The following ZMYM6 variants were observed in gnomAD, a reference collection of about 807,000 sequenced individuals.
ZMYM6 encodes the protein zinc finger MYM-type protein 6.
A neutral mutation model predicts 134.0 loss-of-function variants in ZMYM6; 90 were observed. The observed-to-expected ratio is 0.67, with a 90% confidence interval of 0.57 to 0.80. The LOEUF (loss-of-function observed/expected upper bound fraction) is 0.80. ZMYM6 is among the 30% of genes least tolerant of loss of function. The probability of loss-of-function intolerance (pLI) is 0.00; values close to 1 mark genes in which losing one functional copy is unlikely to be tolerated. For synonymous variants in ZMYM6, 481 were observed against 524.1 expected (o/e 0.92, Z 1.12); for missense variants, 1,362 against 1,533.9 (o/e 0.89, Z 1.87).
In ZMYM6 at chr1:34,986,269, G is replaced by A. The variant is rs1030814757; in HGVS notation, c.*835C>T. The A allele has an allele frequency of 6.6e-6, 1 of 152,222 alleles. No homozygotes were observed. Among genetic ancestry groups the A allele is most frequent in the Admixed American group, 6.5e-5 (1 of 15,290 alleles). 9.4% of individuals were successfully genotyped at this position (152,222 alleles called of 1,614,324 possible). A position where few individuals can be genotyped will look rare whatever the true frequency, so the allele number is the denominator to read the frequency against. ...ACTGCAGAATTGAGTAGTTGTGACA[G>A]TATGGCCTGCAAAGCTGAAAATATT... On this transcript the variant is annotated 3_prime_UTR_variant, in exon 16 of 16. Coordinates refer to ENST00000357182, the MANE Select transcript of ZMYM6 (RefSeq NM_007167.4).
intron 2 of ZMYM6, among the ~76,000 whole-genome samples, chr1:35,021,511 C>G (rs1569790755): frequency 6.6e-6 from 1 of 151,602 alleles, no homozygotes; most frequent in South Asian, 2.1e-4. Context: ...TCCCAGCTAC[C>G]CAGGAGGCTG....
At chr1:35,007,457 G>A (rs1460082964) in intron 11 of ZMYM6, among the ~76,000 whole-genome samples, 4 of 151,882 alleles carry the variant, frequency 2.6e-5, no homozygotes, top group Admixed American at 6.6e-5. Context: ...GTGTGGTGGC[G>A]CACGCCTGTA....
At chr1:34,995,726 G>T (rs144247188) in intron 14 of ZMYM6, among the ~76,000 whole-genome samples, 1 of 152,174 alleles carries the variant, frequency 6.6e-6, no homozygotes, top group East Asian at 1.9e-4. Context: ...TAAAACTTAC[G>T]AATTGTTTAT....
In ZMYM6 at chr1:35,003,990, T is replaced by G; in HGVS notation, c.1970A>C (p.Glu657Ala). ...CACATCTTGAATGATCTTTGCTGCCTCTTTAGTAACTGCACCTGTTGTAAA... is the reference window on the plus strand; with the variant it reads ...CACATCTTGAATGATCTTTGCTGCCGCTTTAGTAACTGCACCTGTTGTAAA... ...NSVLKGAVTK[E>A]AAKIIQDEST... is the part of the protein sequence containing the mutation. Residue 657 changes from glutamate (E) to alanine (A), a missense_variant, in exon 14 of 16, where the codon GAG becomes GCG. By Grantham distance (107) the Glu-to-Ala change is moderately radical (BLOSUM62 -1). Around this residue, in one of 3 missense-constraint regions of ZMYM6, gnomAD observed 824 missense variants for 940.9 expected, o/e 0.88. Coordinates refer to ENST00000357182, the MANE Select transcript of ZMYM6 (RefSeq NM_007167.4). The G allele has an allele frequency of 2.5e-6, 4 of 1,612,184 alleles. No individual in the cohort carries two copies. The highest frequency in any genetic ancestry group is 3.4e-6 in the Non-Finnish European group (4 of 1,178,604).
intron 2 of ZMYM6, among the ~76,000 whole-genome samples, chr1:35,021,964 C>A (rs1249772334): frequency 6.6e-6 from 1 of 152,104 alleles, no homozygotes; most frequent in Non-Finnish European, 1.5e-5. Flanking sequence ...TTTTCTGAAT[C>A]AATGATGGTA....
chr1:35,020,525 T>C (rs1262984405), intron 2 of ZMYM6, 58 bp from the exon 3 acceptor site: 3 of 1,086,430 alleles, frequency 2.8e-6, no homozygotes, highest in East Asian at 5.3e-5. Flanking sequence ...GTAAGTAAAC[T>C]AGAAATTCAA....
intron 15 of ZMYM6, among the ~76,000 whole-genome samples, chr1:34,991,775 AAAAC>A (rs896212817): frequency 2.4e-4 from 36 of 152,288 alleles, no homozygotes; most frequent in African/African-American, 5.1e-4. Context: ...CATCTCAAAA[AAAAC>A]AAACAAACAA....
At chr1:35,018,307 C>T (rs535985942) in intron 4 of ZMYM6, 1 of 151,514 alleles carries the variant, frequency 6.6e-6, no homozygotes, top group Non-Finnish European at 1.5e-5. Flanking sequence ...ATCACTCTAC[C>T]ATGGGCAACA....
chr1:35,018,883 C>G (rs962007241), intron 4 of ZMYM6: 1 of 167,204 alleles, frequency 6.0e-6, no homozygotes, highest in African/African-American at 2.4e-5. Flanking sequence ...CTCTCTGCAT[C>G]TAAGCATTAT....
At chr1:35,030,406 C>T (rs572334376) in intron 2 of ZMYM6, 141 bp downstream of exon 2, 17 of 735,536 alleles carry the variant, frequency 2.3e-5, no homozygotes, top group Admixed American at 8.5e-5. Context: ...CTGCACTACA[C>T]CCTCAGCGAC....
At chr1:34,991,691 A>G (rs954546736) in intron 15 of ZMYM6, among the ~76,000 whole-genome samples, 2 of 152,036 alleles carry the variant, frequency 1.3e-5, no homozygotes, top group Admixed American at 1.3e-4. Context: ...AATCGCTTGA[A>G]CCCAGGAGGC....
chr1:34,992,944 T>C (rs1640711170), intron 14 of ZMYM6, among the ~76,000 whole-genome samples: 2 of 148,718 alleles, frequency 1.3e-5, no homozygotes, highest in South Asian at 2.1e-4. Flanking sequence ...ATGAAAACAA[T>C]TGTTAATCTT....
rs755529341 is a variant in ZMYM6, at chr1:34,987,148, A to C, written c.3934T>G (p.Ser1312Ala). 1.9e-6 allele frequency: 3 copies of C among 1,582,488 alleles called. No homozygotes were observed. In the Admixed American group the frequency reaches 5.8e-5, roughly 30 times the overall value. Residue 1312 changes from serine (S) to alanine (A), a missense_variant, in exon 16 of 16, where the codon TCT (serine) becomes GCT (alanine). By Grantham distance (99) the Ser-to-Ala change is moderately conservative. Around this residue, in one of 3 missense-constraint regions of ZMYM6, gnomAD observed 824 missense variants for 940.9 expected, o/e 0.88. Coordinates refer to ENST00000357182, the MANE Select transcript of ZMYM6 (RefSeq NM_007167.4). The stretch of plus-strand genomic sequence containing the variant: ...AATTTTTCTATCCTTGGAATTAAAG[A>C]TGTGACTGCAAGTCTTAGGGCAGGG... Reference protein sequence around the residue: ...SGPALRLAVTSLIPRIEKLVK... With the variant: ...SGPALRLAVTALIPRIEKLVK...
chr1:35,023,620 A>G (rs1020781940), intron 2 of ZMYM6, among the ~76,000 whole-genome samples: 2 of 150,506 alleles, frequency 1.3e-5, no homozygotes, highest in African/African-American at 2.5e-5. Flanking sequence ...AAGATTCAAT[A>G]AAATTTTTTT....
At position 34,986,568 on chromosome 1, in the gene ZMYM6, G is replaced by T. The variant is rs1338295785; in HGVS notation, c.*536C>A. The T allele has an allele frequency of 6.6e-6, 1 of 152,200 alleles. No homozygotes were observed. Among genetic ancestry groups the T allele is most frequent in the African/African-American group, 2.4e-5 (1 of 41,400 alleles). The allele number at this position is 152,200 out of a possible 1,614,324, so 9.4% of individuals were successfully genotyped here. On this transcript the variant is annotated 3_prime_UTR_variant, in exon 16 of 16. Coordinates refer to ENST00000357182, the MANE Select transcript of ZMYM6 (RefSeq NM_007167.4). Reference sequence around the variant, plus strand: ...TCTACTAAAAAAAATACAATAGACGGGCATGGTGGCACATGCCTGTAACCC... The same window carrying T: ...TCTACTAAAAAAAATACAATAGACGTGCATGGTGGCACATGCCTGTAACCC...
intron 2 of ZMYM6, among the ~76,000 whole-genome samples, chr1:35,025,884 G>C (rs9651001): frequency 0.22 from 32,778 of 152,094 alleles, 8,408 homozygotes; most frequent in African/African-American, 0.61. Flanking sequence ...GTACTTAACT[G>C]AGGGTTGTGA....
In ZMYM6 at chr1:34,989,173, T is replaced by C. The variant is rs1053202719; in HGVS notation, c.2147-238A>G. 3.9e-6 allele frequency: 5 copies of C among 1,272,996 alleles called. No individual in the cohort carries two copies. In the African/African-American group the frequency reaches 7.7e-5, roughly 19 times the overall value. 78.9% of individuals were successfully genotyped at this position (1,272,996 alleles called of 1,614,324 possible). ...ATAAAACTGTAGGATGTGGTACATG[T>C]ACAAGTAATCCCAAGCACCCAATAG... On this transcript the variant is annotated intron_variant, in intron 15 of 15. Coordinates refer to ENST00000357182, the MANE Select transcript of ZMYM6 (RefSeq NM_007167.4).
chr1:34,994,145 T>C (rs1640734571), intron 14 of ZMYM6, among the ~76,000 whole-genome samples: 1 of 152,210 alleles, frequency 6.6e-6, no homozygotes, highest in East Asian at 1.9e-4. Context: ...AGCCAGGCAC[T>C]GTTCTAAGCC....
chr1:35,024,458 C>T (rs1004638485), intron 2 of ZMYM6, among the ~76,000 whole-genome samples: 1 of 152,136 alleles, frequency 6.6e-6, no homozygotes, highest in African/African-American at 2.4e-5. Flanking sequence ...ACACAACAGA[C>T]CTCAAACTGC....
Sources: allele counts gnomAD v4.1 joint callset (sites outside exome capture counted in the v4.1 genomes callset), GRCh38; gene constraint gnomAD v4.1.1; regional missense constraint gnomAD v4.1.1; transcripts MANE v1.5; gene names NCBI Gene and HGNC (gene_info 2026-07-23, HGNC 2026-07-21).